Variants in DERA observed in about 807,000 individuals in gnomAD.
DERA encodes the protein 2-deoxy-D-ribose 5-phosphate aldolase.
Under a neutral mutation model 41.1 loss-of-function variants are expected in DERA, and 15 were observed. The ratio of observed to expected loss-of-function variants is 0.37; its 90% CI spans 0.24 to 0.56. The LOEUF is 0.56. DERA is among the 20% of genes least tolerant of loss of function. The pLI is 0.81. For synonymous variants in DERA, 139 were observed against 137.4 expected (o/e 1.01, Z -0.08); for missense variants, 396 against 403.4 (o/e 0.98, Z 0.16).
chr12:15,987,029 C>T (rs1948769133), intron 6 of DERA, among the ~76,000 whole-genome samples: 1 of 152,042 alleles, frequency 6.6e-6, no homozygotes, highest in Non-Finnish European at 1.5e-5. Context: ...CTTCTTGTTT[C>T]CTTGTATGTA....
At position 15,921,144 on chromosome 12, in the gene DERA, T is replaced by C. The variant is rs78565642; in HGVS notation, c.31+9730T>C. 6.6e-6 allele frequency among the ~76,000 whole-genome samples: 1 copy of C among 152,180 alleles called. No homozygotes were observed. Among genetic ancestry groups the C allele is most frequent in the East Asian group, 1.9e-4 (1 of 5,194 alleles). The stretch of plus-strand genomic sequence containing the variant: ...GAAAGAAATAAGCCTTTTTATTTGA[T>C]TGAGATAAGTGAAGAAATGTGTTAA... On this transcript the variant is annotated intron_variant, in intron 1 of 8. Transcript: ENST00000428559. This position sits in a 1 kb window ranked among gnomAD's most constrained non-coding sequence, Gnocchi z 5.3.
chr12:15,924,192 C>A lies in DERA; in HGVS notation c.31+12778C>A, dbSNP rs943853004. On this transcript the variant is annotated intron_variant, in intron 1 of 8. Transcript: ENST00000428559. This position sits in a 1 kb window ranked among gnomAD's most constrained non-coding sequence, Gnocchi z 5.0. ...CCTGTAATCCTAACTCTTTGGGATG[C>A]TGCAGTGGGAGGATCGCTTGAGCCC... Among the ~76,000 whole-genome samples, 1 of 152,130 alleles carries A rather than the reference C, an allele frequency of 6.6e-6. No homozygotes were observed. The highest frequency in any genetic ancestry group is 6.6e-5 in the Admixed American group (1 of 15,262).
chr12:16,004,620 G>C lies in DERA; in HGVS notation c.637+22184G>C, dbSNP rs549021096. On this transcript the variant is annotated intron_variant, in intron 6 of 8. Transcript: ENST00000428559. This position sits in a 1 kb window ranked among gnomAD's most constrained non-coding sequence, Gnocchi z 4.2. Reference sequence around the variant, plus strand: ...GTCATATTAACTTATTAAATTGTATGCTCTCAAGAAACAAGTGGGTGTTTA... The same window carrying C: ...GTCATATTAACTTATTAAATTGTATCCTCTCAAGAAACAAGTGGGTGTTTA... Among the ~76,000 whole-genome samples, 10 of 152,262 alleles carry C rather than the reference G, an allele frequency of 6.6e-5. No individual in the cohort carries two copies. Among genetic ancestry groups the C allele is most frequent in the African/African-American group, 2.4e-4 (10 of 41,552 alleles).
intron 6 of DERA, among the ~76,000 whole-genome samples, chr12:15,987,398 G>A (rs1313747039): frequency 6.6e-6 from 1 of 151,760 alleles, no homozygotes; most frequent in African/African-American, 2.4e-5. Context: ...TACCACGCCT[G>A]GCTAATTTTT....
intron 5 of DERA, among the ~76,000 whole-genome samples, chr12:15,980,885 T>C (rs998085802): frequency 1.3e-5 from 2 of 152,204 alleles, no homozygotes; most frequent in Non-Finnish European, 2.9e-5. Context: ...CAAGCTTTAT[T>C]TGGCTGTTAT....
rs974188080 is a variant in DERA at position 16,008,976 on chromosome 12, G to C, written c.638-23566G>C. ...CATAGCAGTTAAAAGCCTGGACTTT[G>C]AGTTAGAAAAACATGGATTCATGAC... On this transcript the variant is annotated intron_variant, in intron 6 of 8. Coordinates refer to ENST00000428559, the MANE Select transcript of DERA (RefSeq NM_015954.4). The surrounding 1 kb of genome is among the most constrained non-coding windows in gnomAD (Gnocchi z 4.8). Among the ~76,000 whole-genome samples the C allele has an allele frequency of 1.1e-4, 16 of 152,224 alleles. No homozygotes were observed. The highest frequency in any genetic ancestry group is 4.4e-5 in the Non-Finnish European group (3 of 68,042).
intron 5 of DERA, among the ~76,000 whole-genome samples, chr12:15,973,166 A>T (rs181888196): frequency 6.6e-6 from 1 of 152,138 alleles, no homozygotes; most frequent in African/African-American, 2.4e-5. Context: ...CGGGGAGACA[A>T]ACGGGAGACA....
Position 16,020,869 on chromosome 12 carries a change from G to T in DERA, c.638-11673G>T, listed in dbSNP as rs1473039134. Among the ~76,000 whole-genome samples the T allele has an allele frequency of 6.6e-6, 1 of 152,194 alleles. No homozygotes were observed. The highest frequency in any genetic ancestry group is 1.5e-5 in the Non-Finnish European group (1 of 68,036). On this transcript the variant is annotated intron_variant, in intron 6 of 8. Transcript: ENST00000428559. This position sits in a 1 kb window ranked among gnomAD's most constrained non-coding sequence, Gnocchi z 5.5. ...ATTTGAATTTAAGGGTGATGAACTAGGGTATCTGGAGGAAGAAATTTCTAA... is the reference window on the plus strand; with the variant it reads ...ATTTGAATTTAAGGGTGATGAACTATGGTATCTGGAGGAAGAAATTTCTAA...
rs1948371440 is a variant in DERA, at chr12:15,936,934, T to C, written c.32-20002T>C. ...TCCTGTCCTGTCCTGTCCTGTCCTG[T>C]CTTGTCCTGTCCCGTCCTGTCCTGC... On this transcript the variant is annotated intron_variant, in intron 1 of 8. Transcript: ENST00000428559. This position sits in a 1 kb window ranked among gnomAD's most constrained non-coding sequence, Gnocchi z 4.6. Among the ~76,000 whole-genome samples the C allele has an allele frequency of 8.0e-6, 1 of 125,186 alleles. No individual in the cohort carries two copies. The highest frequency in any genetic ancestry group is 1.6e-5 in the Non-Finnish European group (1 of 61,368). 82.1% of individuals were successfully genotyped at this position (125,186 alleles called of 152,430 possible).
chr12:16,018,379 T>C (rs1380194560), intron 6 of DERA, among the ~76,000 whole-genome samples: 4 of 152,206 alleles, frequency 2.6e-5, no homozygotes. Flanking sequence ...TATCTTGTAA[T>C]TAAGACTCCC....
At position 15,911,586 on chromosome 12, in the gene DERA, G is replaced by A. The variant is rs1378979122; in HGVS notation, c.31+172G>A. 2.7e-6 allele frequency: 2 copies of A among 730,058 alleles called. No individual in the cohort carries two copies. The highest frequency in any genetic ancestry group is 1.8e-5 in the African/African-American group (1 of 57,112). The allele number at this position is 730,058 out of a possible 1,614,324, so 45.2% of individuals were successfully genotyped here. ...CTCACCCCAAGTAAAGGCCGAACCC[G>A]GCACGTTCGCGCCGCTTGTCTTTGC... On this transcript the variant is annotated intron_variant, in intron 1 of 8. Coordinates refer to ENST00000428559, the MANE Select transcript of DERA (RefSeq NM_015954.4). The surrounding 1 kb of genome is among the most constrained non-coding windows in gnomAD (Gnocchi z 4.5).
chr12:15,959,926 TA>T lies in DERA; in HGVS notation c.373+6del. 1 of 1,538,256 alleles carries T rather than the reference TA, an allele frequency of 6.5e-7. No individual in the cohort carries two copies. The highest frequency in any genetic ancestry group is 8.8e-7 in the Non-Finnish European group (1 of 1,136,536). ...GCTGTAATATCCCTGTGGCATCAGG[TA>T]AAATGTGTTGTGGCTTTTGTTGTTA... On this transcript the variant is annotated splice_donor_region_variant and intron_variant, in intron 4 of 8. Transcript: ENST00000428559. This position sits in a 1 kb window ranked among gnomAD's most constrained non-coding sequence, Gnocchi z 4.5.
At chr12:15,925,131 C>T (rs562290966) in intron 1 of DERA, among the ~76,000 whole-genome samples, 48 of 152,114 alleles carry the variant, frequency 3.2e-4, no homozygotes, top group Non-Finnish European at 5.4e-4. Context: ...ATTCCTGTTA[C>T]CCTCCCACCC....
At position 15,924,927 on chromosome 12, in the gene DERA, C is replaced by T. The variant is rs915936437; in HGVS notation, c.31+13513C>T. Among the ~76,000 whole-genome samples the T allele has an allele frequency of 1.3e-5, 2 of 152,140 alleles. No homozygotes were observed. Among genetic ancestry groups the T allele is most frequent in the Non-Finnish European group, 2.9e-5 (2 of 68,042 alleles). On this transcript the variant is annotated intron_variant, in intron 1 of 8. Coordinates refer to ENST00000428559, the MANE Select transcript of DERA (RefSeq NM_015954.4). The surrounding 1 kb of genome is among the most constrained non-coding windows in gnomAD (Gnocchi z 5.0). ...GAGGGTAGGATCTGTGCTTATCGGG[C>T]GTCTGTATCACTTATGTCACCTTGA...
At position 15,970,605 on chromosome 12, in the gene DERA, C is replaced by A. The variant is rs1467113404; in HGVS notation, c.508+7658C>A. Among the ~76,000 whole-genome samples the A allele has an allele frequency of 6.6e-6, 1 of 151,702 alleles. No individual in the cohort carries two copies. The highest frequency in any genetic ancestry group is 1.5e-5 in the Non-Finnish European group (1 of 67,946). On this transcript the variant is annotated intron_variant, in intron 5 of 8. Coordinates refer to ENST00000428559, the MANE Select transcript of DERA (RefSeq NM_015954.4). This position sits in a 1 kb window ranked among gnomAD's most constrained non-coding sequence, Gnocchi z 4.3. ...TTTTCATTTCTTTTTTTAAAATACACCATTCTATTTTTGAAAATAATGTTA... is the reference window on the plus strand; with the variant it reads ...TTTTCATTTCTTTTTTTAAAATACAACATTCTATTTTTGAAAATAATGTTA...
rs1948896208 is a variant in DERA, at chr12:16,004,392, C to T, written c.637+21956C>T. On this transcript the variant is annotated intron_variant, in intron 6 of 8. Transcript: ENST00000428559. The surrounding 1 kb of genome is among the most constrained non-coding windows in gnomAD (Gnocchi z 4.2). ...CAACTCCTCCTTAACAATTTGTTCT[C>T]CCACCAATCTTTGATTTATAAATCT... 1.3e-5 allele frequency among the ~76,000 whole-genome samples: 2 copies of T among 152,094 alleles called. No homozygotes were observed. Among genetic ancestry groups the T allele is most frequent in the South Asian group, 4.1e-4 (2 of 4,832 alleles).
chr12:15,976,287 C>T lies in DERA; in HGVS notation c.509-6021C>T, dbSNP rs1215849161. On this transcript the variant is annotated intron_variant, in intron 5 of 8. Coordinates refer to ENST00000428559, the MANE Select transcript of DERA (RefSeq NM_015954.4). This position sits in a 1 kb window ranked among gnomAD's most constrained non-coding sequence, Gnocchi z 4.1. ...TCAATTGCTTTGTGTTTGACAATCT[C>T]TAGAACCTGCGGGTTGTCTTCCTGG... is the stretch of plus-strand genomic sequence containing the variant. Among the ~76,000 whole-genome samples, 1 of 152,170 alleles carries T rather than the reference C, an allele frequency of 6.6e-6. No individual in the cohort carries two copies. The highest frequency in any genetic ancestry group is 6.5e-5 in the Admixed American group (1 of 15,280).
intron 5 of DERA, among the ~76,000 whole-genome samples, chr12:15,977,737 C>T (rs1020053728): frequency 1.3e-5 from 2 of 152,168 alleles, no homozygotes; most frequent in South Asian, 2.1e-4. Flanking sequence ...GGATTATAGG[C>T]GTGAGCCACT....
chr12:15,973,746 G>A (rs1948679590), intron 5 of DERA, among the ~76,000 whole-genome samples: 1 of 151,864 alleles, frequency 6.6e-6, no homozygotes, highest in Non-Finnish European at 1.5e-5. Context: ...TATTAATATA[G>A]AAATATATCA....
Sources: gnomAD v4.1 joint callset for allele counts (sites outside exome capture counted in the v4.1 genomes callset) on GRCh38, gnomAD v4.1.1 for gene constraint, Gnocchi (gnomAD v3.1) non-coding constraint, MANE v1.5 for transcripts, NCBI Gene and HGNC (gene_info 2026-07-23, HGNC 2026-07-21) for gene names.